ZNF385D: variants seen among roughly 807,000 people sequenced by gnomAD.
The protein encoded by ZNF385D is zinc finger protein 385D, also known as zinc finger protein 659.
In ZNF385D, 15 loss-of-function variants were observed where a neutral mutation model predicts 35.8. The observed-to-expected ratio is 0.42, with a 90% CI of 0.28 to 0.64. The LOEUF is 0.64. Ranked by LOEUF, ZNF385D falls within the 30% of genes least tolerant of loss-of-function variation. The probability of loss-of-function intolerance (pLI) is 0.23; values close to 1 mark genes in which losing one functional copy is unlikely to be tolerated. For synonymous variants in ZNF385D, 212 were observed against 186.8 expected (o/e 1.13, Z -1.10); for missense variants, 474 against 494.6 (o/e 0.96, Z 0.39).
intron 3 of ZNF385D, among the ~76,000 whole-genome samples, chr3:21,804,669 T>C (rs2072555482): frequency 6.6e-6 from 1 of 152,202 alleles, no homozygotes; most frequent in Non-Finnish European, 1.5e-5. Context: ...TTAGTCTCTC[T>C]TGTCCTCAGA....
chr3:21,697,853 A>C (rs1341254904), intron 1 of ZNF385D, among the ~76,000 whole-genome samples: 1 of 152,208 alleles, frequency 6.6e-6, no homozygotes, highest in Non-Finnish European at 1.5e-5. Context: ...AAAAATGCTC[A>C]ATACCATTAA....
chr3:21,699,871 G>A (rs1216439955), intron 1 of ZNF385D, among the ~76,000 whole-genome samples: 14 of 121,870 alleles, frequency 1.1e-4, no homozygotes, highest in Middle Eastern at 0.012. Context: ...TTGCTCTGTC[G>A]CCCAGGTTGA....
Position 21,983,609 on chromosome 3 carries a change from A to G in ZNF385D, c.325+185208T>C, listed in dbSNP as rs1279550691. On this transcript the variant is annotated intron_variant, in intron 3 of 5. Coordinates refer to the ZNF385D transcript ENST00000494108. ...TTCCAAGTCTTTGCTATTGTGAATA[A>G]TGCCGCAATAAACATACGTGTGCAT... is the stretch of plus-strand genomic sequence containing the variant. Among the ~76,000 whole-genome samples, 175 of 139,242 alleles carry G rather than the reference A, an allele frequency of 1.3e-3. 1 individual carries two copies. Among genetic ancestry groups the G allele is most frequent in the African/African-American group, 4.4e-3 (163 of 37,454 alleles). The allele number at this position is 139,242 out of a possible 152,430, so 91.3% of individuals were successfully genotyped here.
chr3:21,990,515 T>C (rs1171317317), intron 3 of ZNF385D, among the ~76,000 whole-genome samples: 1 of 152,210 alleles, frequency 6.6e-6, no homozygotes. Flanking sequence ...AAAATTACTT[T>C]TATGAGTTAA....
intron 3 of ZNF385D, among the ~76,000 whole-genome samples, chr3:21,966,458 T>G (rs1024478043): frequency 2.6e-5 from 4 of 152,248 alleles, no homozygotes; most frequent in African/African-American, 9.6e-5. Context: ...TTGGACTGGT[T>G]TGGATTCATC....
chr3:21,757,344 T>C (rs371739523), intron 3 of ZNF385D, among the ~76,000 whole-genome samples: 2 of 152,242 alleles, frequency 1.3e-5, no homozygotes. Context: ...GGTTTTGCCA[T>C]GTTGGCCAGG....
chr3:21,452,890 A>G (rs945440872), intron 4 of ZNF385D, among the ~76,000 whole-genome samples: 15 of 152,030 alleles, frequency 9.9e-5, no homozygotes, highest in African/African-American at 3.6e-4. Context: ...GGGGTACTAA[A>G]TAGCCAAAAT....
At chr3:22,087,824 A>G (rs1701124998) in intron 3 of ZNF385D, among the ~76,000 whole-genome samples, 3 of 152,222 alleles carry the variant, frequency 2.0e-5, no homozygotes, top group Admixed American at 2.0e-4. Context: ...TCAAAGTTTA[A>G]AAAAAGCAGA....
chr3:22,295,025 T>C (rs557943102), intron 2 of ZNF385D, among the ~76,000 whole-genome samples: 3 of 152,276 alleles, frequency 2.0e-5, no homozygotes, highest in South Asian at 4.1e-4. Context: ...AGGATTATAA[T>C]TGGCTTTAAA....
chr3:22,229,270 T>C (rs1170417874), intron 2 of ZNF385D, among the ~76,000 whole-genome samples: 2 of 152,210 alleles, frequency 1.3e-5, no homozygotes, highest in Non-Finnish European at 2.9e-5. Flanking sequence ...GTTAACTCTC[T>C]TTGGAAAACT....
At chr3:22,169,401 G>A (rs1485993417) in intron 2 of ZNF385D, among the ~76,000 whole-genome samples, 1 of 152,172 alleles carries the variant, frequency 6.6e-6, no homozygotes, top group Non-Finnish European at 1.5e-5. Flanking sequence ...TGGTATAGCT[G>A]TGATAAGCAT....
intron 2 of ZNF385D, among the ~76,000 whole-genome samples, chr3:22,230,133 G>A (rs1221871118): frequency 6.6e-6 from 1 of 152,126 alleles, no homozygotes; most frequent in East Asian, 1.9e-4. Context: ...CACTAGGATG[G>A]TTTTTAGGAT....
At chr3:21,505,246 A>G (rs1351386569) in intron 4 of ZNF385D, among the ~76,000 whole-genome samples, 2 of 152,068 alleles carry the variant, frequency 1.3e-5, no homozygotes, top group African/African-American at 2.4e-5. Flanking sequence ...TAAGTGAGCA[A>G]TGGGCCATGG....
Position 22,075,930 on chromosome 3 carries a change from C to T in ZNF385D, c.325+92887G>A, listed in dbSNP as rs79603495. 1.2e-3 allele frequency among the ~76,000 whole-genome samples: 175 copies of T among 152,020 alleles called. 1 individual carries two copies. The highest frequency in any genetic ancestry group is 3.9e-3 in the African/African-American group (160 of 41,546). ...GTTCCTTGAGTTGGATGTCAATCTC[C>T]GAATGTGGTGAGGATATTCTTCGCT... On this transcript the variant is annotated intron_variant, in intron 3 of 5. Coordinates refer to the ZNF385D transcript ENST00000494108.
At chr3:22,226,271 C>T (rs1266069261) in intron 2 of ZNF385D, among the ~76,000 whole-genome samples, 1 of 152,030 alleles carries the variant, frequency 6.6e-6, no homozygotes, top group Non-Finnish European at 1.5e-5. Flanking sequence ...TAAGCAAGTT[C>T]TCAACAGAGA....
intron 3 of ZNF385D, among the ~76,000 whole-genome samples, chr3:21,763,761 C>T (rs2070717449): frequency 6.8e-6 from 1 of 146,030 alleles, no homozygotes; most frequent in Non-Finnish European, 1.6e-5. Flanking sequence ...CCTTCAGAAA[C>T]TGTGAACAGT....
intron 2 of ZNF385D, among the ~76,000 whole-genome samples, chr3:22,206,103 G>A (rs1414746492): frequency 2.0e-5 from 3 of 151,708 alleles, no homozygotes; most frequent in African/African-American, 7.3e-5. Context: ...ATCTGCAAAT[G>A]GTAACCATAA....
At chr3:22,045,918 T>A (rs1485022106) in intron 3 of ZNF385D, among the ~76,000 whole-genome samples, 1 of 152,082 alleles carries the variant, frequency 6.6e-6, no homozygotes, top group Non-Finnish European at 1.5e-5. Flanking sequence ...CAAATTTCTC[T>A]ATCTCCAAGC....
At chr3:21,667,143 T>G (rs2066432066) in intron 1 of ZNF385D, among the ~76,000 whole-genome samples, 1 of 152,158 alleles carries the variant, frequency 6.6e-6, no homozygotes, top group African/African-American at 2.4e-5. Flanking sequence ...ATTTAAGAAG[T>G]AGTTTTAAAT....
Sources: allele counts gnomAD v4.1 joint callset (sites outside exome capture counted in the v4.1 genomes callset), GRCh38; gene constraint gnomAD v4.1.1; transcripts MANE v1.5; gene names NCBI Gene and HGNC (gene_info 2026-07-23, HGNC 2026-07-21).